The following SLC35F4 variants were observed in gnomAD, a reference collection of about 807,000 sequenced individuals.
SLC35F4 encodes the protein chromosome 14 open reading frame 36.
In SLC35F4, 24 loss-of-function variants were observed where a neutral mutation model predicts 44.2. That is an observed-to-expected ratio of 0.54 (90% confidence interval 0.39 to 0.76). SLC35F4 has a LOEUF of 0.76. Among genes scored for constraint, SLC35F4 ranks in the 30% least tolerant of loss-of-function variants. The pLI, the probability that SLC35F4 is intolerant of heterozygous loss-of-function variation, is 0.00. For synonymous variants in SLC35F4, 238 were observed against 223.6 expected, an observed-to-expected ratio of 1.06 and a Z score of -0.57; for missense variants, 562 against 586.1, an observed-to-expected ratio of 0.96 and a Z score of 0.42.
intron 1 of SLC35F4, among the ~76,000 whole-genome samples, chr14:57,600,704 A>C (rs1262772300): frequency 6.3e-5 from 9 of 143,636 alleles, no homozygotes; most frequent in Non-Finnish European, 3.0e-5. Context: ...AAAAAAAAAA[A>C]AAAAAAAAAA....
chr14:57,613,414 G>A (rs182751986), intron 1 of SLC35F4, among the ~76,000 whole-genome samples: 19 of 152,258 alleles, frequency 1.2e-4, no homozygotes, highest in African/African-American at 3.6e-4. Context: ...AGGAGATGGC[G>A]GTCTGTGCTC....
intron 1 of SLC35F4, among the ~76,000 whole-genome samples, chr14:57,716,640 T>C (rs1229624363): frequency 6.6e-6 from 1 of 152,228 alleles, no homozygotes; most frequent in African/African-American, 2.4e-5. Context: ...ATGTATGGAG[T>C]ACAGTGTGAT....
At chr14:57,804,704 G>C (rs192974454) in intron 1 of SLC35F4, among the ~76,000 whole-genome samples, 1 of 152,124 alleles carries the variant, frequency 6.6e-6, no homozygotes, top group African/African-American at 2.4e-5. Context: ...CAGGACATAG[G>C]CACAAACAAA....
chr14:57,826,268 C>T (rs1320938013), intron 1 of SLC35F4, among the ~76,000 whole-genome samples: 2 of 152,076 alleles, frequency 1.3e-5, no homozygotes, highest in African/African-American at 4.8e-5. Flanking sequence ...GGGGAAAGGA[C>T]ATCCTATGTA....
chr14:57,645,683 G>A (rs1343072509), intron 1 of SLC35F4, among the ~76,000 whole-genome samples: 1 of 151,212 alleles, frequency 6.6e-6, no homozygotes, highest in Non-Finnish European at 1.5e-5. Flanking sequence ...GTGAGAGAGG[G>A]CATCCCTGTC....
rs746785623 is a variant in SLC35F4, at chr14:57,566,434, T to C, written c.1216+41A>G. ...ACAGAACAAACACAAGCAAGAGACT[T>C]GTAGTGGCCAGGATCTGCACATGTC... On this transcript the variant is annotated intron_variant, in intron 7 of 7. Transcript: ENST00000556826. 2.0e-5 allele frequency: 31 copies of C among 1,539,726 alleles called. No individual in the cohort carries two copies. In the East Asian group the frequency reaches 7.5e-4, roughly 37 times the overall value.
intron 1 of SLC35F4, among the ~76,000 whole-genome samples, chr14:57,886,462 G>A (rs754952604): frequency 6.6e-6 from 1 of 152,174 alleles, no homozygotes; most frequent in South Asian, 2.1e-4. Context: ...ACTTCAGTAG[G>A]AATTTTTAAC....
intron 1 of SLC35F4, among the ~76,000 whole-genome samples, chr14:57,846,443 G>A (rs555424613): frequency 6.6e-6 from 1 of 152,254 alleles, no homozygotes; most frequent in African/African-American, 2.4e-5. Context: ...GCCTCCATAG[G>A]CCCCTGAATG....
chr14:57,620,363 A>G (rs1308535391), intron 1 of SLC35F4, among the ~76,000 whole-genome samples: 1 of 152,220 alleles, frequency 6.6e-6, no homozygotes, highest in Non-Finnish European at 1.5e-5. Context: ...ACTACAAGCC[A>G]GAAGAGGGTG....
At chr14:57,806,230 C>T (rs116684097) in intron 1 of SLC35F4, among the ~76,000 whole-genome samples, 4,968 of 152,162 alleles carry the variant, frequency 0.033, 260 homozygotes, top group African/African-American at 0.11. Context: ...TTATTAGCAA[C>T]GACACAAATG....
At chr14:57,595,793 G>T (rs1489002553) in intron 1 of SLC35F4, 1 of 152,136 alleles carries the variant, frequency 6.6e-6, no homozygotes, top group Non-Finnish European at 1.5e-5. Flanking sequence ...GGCACTGCAA[G>T]ATGCCCTGGG....
At chr14:57,697,978 A>T (rs920151521) in intron 1 of SLC35F4, among the ~76,000 whole-genome samples, 1 of 152,166 alleles carries the variant, frequency 6.6e-6, no homozygotes, top group Non-Finnish European at 1.5e-5. Context: ...CCAAATCCAG[A>T]TTTCACCATT....
At chr14:57,877,443 A>G (rs183278386) in intron 1 of SLC35F4, among the ~76,000 whole-genome samples, 67 of 152,258 alleles carry the variant, frequency 4.4e-4, no homozygotes, top group African/African-American at 1.5e-3. Context: ...GCTATTGTGA[A>G]TATTGTTGCA....
chr14:57,676,165 CTT>C (rs1452639162), intron 1 of SLC35F4, among the ~76,000 whole-genome samples: 1 of 151,990 alleles, frequency 6.6e-6, no homozygotes, highest in Admixed American at 6.6e-5. Context: ...GATTCCATGT[CTT>C]TGCTATTGTG....
intron 1 of SLC35F4, among the ~76,000 whole-genome samples, chr14:57,772,473 C>G (rs1462963663): frequency 6.6e-6 from 1 of 151,996 alleles, no homozygotes; most frequent in South Asian, 2.1e-4. Flanking sequence ...ATTTACTACC[C>G]AAATAGTGAA....
At chr14:57,670,245 C>A (rs1379223060) in intron 1 of SLC35F4, among the ~76,000 whole-genome samples, 2 of 151,874 alleles carry the variant, frequency 1.3e-5, no homozygotes, top group African/African-American at 2.4e-5. Flanking sequence ...GTCTTGCTAG[C>A]AGTCTATCAA....
At chr14:57,846,858 C>A (rs1886074174) in intron 1 of SLC35F4, among the ~76,000 whole-genome samples, 1 of 152,126 alleles carries the variant, frequency 6.6e-6, no homozygotes, top group African/African-American at 2.4e-5. Context: ...CCTAAACCCT[C>A]CTCAATCTCC....
At chr14:57,725,825 T>C (rs767963091) in intron 1 of SLC35F4, among the ~76,000 whole-genome samples, 8 of 152,178 alleles carry the variant, frequency 5.3e-5, no homozygotes, top group African/African-American at 7.2e-5. Flanking sequence ...CCAGGATTCA[T>C]AGGTTCAGGA....
chr14:57,658,097 C>T (rs769115379), intron 1 of SLC35F4, among the ~76,000 whole-genome samples: 4 of 152,078 alleles, frequency 2.6e-5, no homozygotes, highest in Non-Finnish European at 5.9e-5. Flanking sequence ...TTGCTTTTCT[C>T]CCTGGTGATT....
Sources: gnomAD v4.1 joint callset for allele counts (sites outside exome capture counted in the v4.1 genomes callset) on GRCh38, gnomAD v4.1.1 for gene constraint, MANE v1.5 for transcripts, NCBI Gene and HGNC (gene_info 2026-07-23, HGNC 2026-07-21) for gene names.